The following ASCC3 variants were observed in gnomAD, a reference collection of about 807,000 sequenced individuals.
The protein encoded by ASCC3 is ASC-1 complex subunit P200.
Under a neutral mutation model 256.3 loss-of-function variants are expected in ASCC3, and 158 were observed. The observed-to-expected ratio is 0.62, with a 90% CI of 0.54 to 0.70. ASCC3 has a LOEUF of 0.70. Ranked by LOEUF, ASCC3 falls within the 30% of genes least tolerant of loss-of-function variation. ASCC3 has a pLI of 0.00. For missense variants in ASCC3, 2,259 were observed against 2,626.0 expected, an observed-to-expected ratio of 0.86 and a Z score of 3.05; for synonymous variants, 948 against 883.4, an observed-to-expected ratio of 1.07 and a Z score of -1.30.
chr6:100,551,650 G>T (rs1350419258), intron 36 of ASCC3, among the ~76,000 whole-genome samples: 2 of 151,868 alleles, frequency 1.3e-5, no homozygotes, highest in Non-Finnish European at 2.9e-5. Context: ...TGGTAAGTAG[G>T]ACATTTTTCA....
intron 13 of ASCC3, among the ~76,000 whole-genome samples, chr6:100,710,629 G>T (rs1035852974): frequency 6.6e-6 from 1 of 152,094 alleles, no homozygotes; most frequent in Admixed American, 6.6e-5. Flanking sequence ...TCCTAAGGGG[G>T]CATCTTAGTC....
At position 100,606,784 on chromosome 6, in the gene ASCC3, T is replaced by C; in HGVS notation, c.5000A>G (p.Tyr1667Cys). The C allele has an allele frequency of 6.2e-7, 1 of 1,610,208 alleles. No individual in the cohort carries two copies. Among genetic ancestry groups the C allele is most frequent in the Non-Finnish European group, 8.5e-7 (1 of 1,178,432 alleles). The change falls in exon 32 of 42, where the codon TAC (tyrosine) becomes TGC (cysteine). Residue 1667 changes from tyrosine (Y) to cysteine (C), a missense_variant. Transcript: ENST00000369162. The part of the protein sequence containing the change: ...AHLVIIKGTE[Y>C]YDGKTRRYVD... ...ATAACGTCTTGTTTTTCCATCATAG[T>C]ATTCTGTTCCCTTAATAATTACTAA...
At chr6:100,581,675 T>C (rs1771278208) in intron 36 of ASCC3, among the ~76,000 whole-genome samples, 1 of 152,172 alleles carries the variant, frequency 6.6e-6, no homozygotes, top group Non-Finnish European at 1.5e-5. Context: ...ATGTCCTGAA[T>C]GGTAATGCCT....
chr6:100,643,366 T>G (rs1775222963), intron 23 of ASCC3, among the ~76,000 whole-genome samples: 1 of 152,194 alleles, frequency 6.6e-6, no homozygotes, highest in African/African-American at 2.4e-5. Context: ...TTTAATCCAA[T>G]AGTATTCAGT....
intron 36 of ASCC3, among the ~76,000 whole-genome samples, chr6:100,550,595 C>T (rs1582432159): frequency 6.6e-6 from 1 of 152,110 alleles, no homozygotes; most frequent in East Asian, 1.9e-4. Context: ...ATCAGCATAT[C>T]TGAACAGGGC....
At chr6:100,652,238 T>C (rs1289187622) in intron 18 of ASCC3, among the ~76,000 whole-genome samples, 2 of 152,064 alleles carry the variant, frequency 1.3e-5, no homozygotes, top group Admixed American at 6.6e-5. Flanking sequence ...GTGAACAAAT[T>C]TAAAAAGTTA....
intron 30 of ASCC3, among the ~76,000 whole-genome samples, chr6:100,607,958 G>T (rs1310293032): frequency 1.4e-5 from 2 of 141,296 alleles, no homozygotes; most frequent in East Asian, 2.0e-4. Context: ...TTTCTAATTG[G>T]CTTGTGATCT....
rs1769413603 is a variant in ASCC3, at chr6:100,792,763, G to GA, written c.1395+5949dup. Reference sequence around the variant, plus strand: ...TAAACAAGTTCATCCAATTTAGAATGAAAAAATGAGAAAAACTGTTTTTAA... The same window carrying GA: ...TAAACAAGTTCATCCAATTTAGAATGAAAAAAATGAGAAAAACTGTTTTTAA... On this transcript the variant is annotated intron_variant, in intron 8 of 41. Coordinates refer to ENST00000369162, the MANE Select transcript of ASCC3 (RefSeq NM_006828.4). Among the ~76,000 whole-genome samples, 3 of 151,838 alleles carry GA rather than the reference G, an allele frequency of 2.0e-5. No homozygotes were observed. The South Asian group carries it at 6.2e-4, about 32-fold the overall frequency.
At chr6:100,586,779 G>C (rs780007912) in intron 36 of ASCC3, among the ~76,000 whole-genome samples, 1 of 152,004 alleles carries the variant, frequency 6.6e-6, no homozygotes, top group Admixed American at 6.6e-5. Flanking sequence ...ATTTCTATAC[G>C]TTATTAATAC....
At chr6:100,638,931 GAAAAAACAC>G in intron 24 of ASCC3, 110 bp from the exon 25 acceptor site, 1 of 934,056 alleles carries the variant, frequency 1.1e-6, no homozygotes, top group South Asian at 1.4e-5. Flanking sequence ...TAGACAAGGA[GAAAAAACAC>G]AAACTCTTAT....
intron 13 of ASCC3, among the ~76,000 whole-genome samples, chr6:100,689,173 A>G (rs1777721670): frequency 6.6e-6 from 1 of 152,132 alleles, no homozygotes; most frequent in African/African-American, 2.4e-5. Flanking sequence ...CACTCCCATC[A>G]CACGTTGTTC....
chr6:100,595,350 T>G (rs240165), intron 34 of ASCC3, among the ~76,000 whole-genome samples: 11,131 of 152,208 alleles, frequency 0.073, 598 homozygotes, highest in African/African-American at 0.15. Context: ...AGAAAATTTA[T>G]GTTCACACAA....
chr6:100,865,637 A>G (rs980089861), intron 2 of ASCC3, among the ~76,000 whole-genome samples: 3 of 152,200 alleles, frequency 2.0e-5, no homozygotes, highest in Admixed American at 6.5e-5. Context: ...GAGTGAAACT[A>G]TTAGTTATAA....
At position 100,625,308 on chromosome 6, in the gene ASCC3, G is replaced by T; in HGVS notation, c.4669C>A (p.Pro1557Thr). ...QAIRSHSPAKPVLIFVSSRRQ... is the reference protein window; with the variant it reads ...QAIRSHSPAKTVLIFVSSRRQ... ...CTTGATGAGACAAATATCAAAACAG[G>T]TTTGGCTGGAGAATGGCTTCTAATT... The change falls in exon 30 of 42, where the codon CCT (proline) becomes ACT (threonine). Residue 1557 changes from proline (P) to threonine (T), a missense_variant. Physicochemically the swap from Pro to Thr is conservative, Grantham distance 38. This residue lies in a region of ASCC3 where 1,839 missense variants were observed against 2,206.7 expected (regional missense o/e 0.83). Transcript: ENST00000369162. 6.2e-7 allele frequency: 1 copy of T among 1,612,782 alleles called. No homozygotes were observed. Among genetic ancestry groups the T allele is most frequent in the Non-Finnish European group, 8.5e-7 (1 of 1,179,122 alleles).
intron 10 of ASCC3, among the ~76,000 whole-genome samples, chr6:100,731,345 G>T (rs976853768): frequency 6.6e-6 from 1 of 152,152 alleles, no homozygotes; most frequent in African/African-American, 2.4e-5. Context: ...ACATACTGAA[G>T]TCTAGCCTCA....
At chr6:100,637,396 A>T (rs1397832500) in intron 25 of ASCC3, among the ~76,000 whole-genome samples, 2 of 152,186 alleles carry the variant, frequency 1.3e-5, no homozygotes, top group African/African-American at 4.8e-5. Flanking sequence ...GCTCATTGAC[A>T]ATACATCTAA....
chr6:100,674,797 C>CT (rs1440026418), intron 14 of ASCC3, among the ~76,000 whole-genome samples: 1 of 151,914 alleles, frequency 6.6e-6, no homozygotes, highest in African/African-American at 2.4e-5. Context: ...CCATGCATGG[C>CT]TTTTTTTGTA....
chr6:100,646,144 A>C (rs1354265219), intron 22 of ASCC3, among the ~76,000 whole-genome samples: 2 of 152,132 alleles, frequency 1.3e-5, no homozygotes, highest in Non-Finnish European at 2.9e-5. Context: ...AAGAAGATAG[A>C]ACTAATATAG....
intron 13 of ASCC3, among the ~76,000 whole-genome samples, chr6:100,680,759 A>T (rs1429092418): frequency 6.6e-6 from 1 of 152,170 alleles, no homozygotes; most frequent in African/African-American, 2.4e-5. Context: ...CTTAGGCCTG[A>T]AGCAACTTGG....
Sources: gnomAD v4.1 joint callset for allele counts (sites outside exome capture counted in the v4.1 genomes callset) on GRCh38, gnomAD v4.1.1 for gene constraint, gnomAD v4.1.1 regional missense constraint, MANE v1.5 for transcripts, NCBI Gene and HGNC (gene_info 2026-07-23, HGNC 2026-07-21) for gene names.